KRT76: variants seen among roughly 807,000 people sequenced by gnomAD.
KRT76 encodes keratin 76.
KRT76 carries 47 observed loss-of-function variants against 44.9 expected under a neutral mutation model. The ratio of observed to expected loss-of-function variants is 1.05; its 90% CI spans 0.83 to 1.33. KRT76 has a LOEUF of 1.33. KRT76 is among the 40% of genes most tolerant of loss of function. The probability of loss-of-function intolerance (pLI) is 0.00; values close to 1 mark genes in which losing one functional copy is unlikely to be tolerated. For synonymous variants in KRT76, 331 were observed against 294.1 expected, an observed-to-expected ratio of 1.13 and a Z score of -1.28; for missense variants, 860 against 775.8, an observed-to-expected ratio of 1.11 and a Z score of -1.29.
chr12:52,777,137 C>T lies in KRT76; in HGVS notation c.155G>A (p.Ser52Asn), dbSNP rs757013064. Reference protein sequence around the residue: ...GACGFRSGAGSFGSRSLYNLG... With the variant: ...GACGFRSGAGNFGSRSLYNLG... ...GTTGTAGAGGCTGCGACTGCCAAAG[C>T]TGCCTGCTCCGCTCCTGAAGCCACA... is the stretch of plus-strand genomic sequence containing the variant. The change falls in exon 1 of 9, where the codon AGC (serine) becomes AAC (asparagine). Residue 52 changes from serine to asparagine, a missense_variant. Physicochemically the swap from Ser to Asn is conservative, Grantham distance 46. Transcript: ENST00000332411. The T allele has an allele frequency of 1.2e-6, 2 of 1,614,226 alleles. No homozygotes were observed. Among genetic ancestry groups the T allele is most frequent in the South Asian group, 2.2e-5 (2 of 91,084 alleles).
In KRT76 at chr12:52,769,397, G is replaced by A. The variant is rs79105259; in HGVS notation, c.1519+152C>T. Reference sequence around the variant, plus strand: ...GTTGTCAGCTTACACTAGGGGCAGAGCATGTGGCCATGGCCTGAGATCCTA... The same window carrying A: ...GTTGTCAGCTTACACTAGGGGCAGAACATGTGGCCATGGCCTGAGATCCTA... On this transcript the variant is annotated intron_variant, in intron 8 of 8. Transcript: ENST00000332411. The A allele has an allele frequency of 5.4e-3, 3,867 of 711,470 alleles. 79 individuals are homozygous for A. Among genetic ancestry groups the A allele is most frequent in the African/African-American group, 0.054 (3,108 of 57,198 alleles). 44.1% of individuals were successfully genotyped at this position (711,470 alleles called of 1,614,324 possible).
Position 52,772,133 on chromosome 12 carries a change from C to G in KRT76, c.1098G>C (p.Gln366His). 6.2e-7 allele frequency: 1 copy of G among 1,613,118 alleles called. No homozygotes were observed. Among genetic ancestry groups the G allele is most frequent in the Non-Finnish European group, 8.5e-7 (1 of 1,179,446 alleles). ...GGGCCTCAGCTTCAGACTTGCTCCT[C>G]TGGGCAATCTCCTCATACTGGGCGC... ...EVRAQYEEIA[Q>H]RSKSEAEALY... The change falls in exon 5 of 9, where the codon CAG becomes CAC. Residue 366 changes from glutamine (Q) to histidine (H), a missense_variant. Physicochemically the swap from Gln to His is conservative, Grantham distance 24. Transcript: ENST00000332411.
chr12:52,768,165 T>C lies in KRT76; in HGVS notation c.*548A>G, dbSNP rs1384160198. On this transcript the variant is annotated 3_prime_UTR_variant, in exon 9 of 9. Transcript: ENST00000332411. ...ACCAACACCAGAATGTGAAGTTCAGTGCAATTTATTGAGAAAAGAAAGTGC... is the reference window on the plus strand; with the variant it reads ...ACCAACACCAGAATGTGAAGTTCAGCGCAATTTATTGAGAAAAGAAAGTGC... 2 of 153,084 alleles carry C rather than the reference T, an allele frequency of 1.3e-5. No homozygotes were observed. The highest frequency in any genetic ancestry group is 2.9e-5 in the Non-Finnish European group (2 of 68,382). The allele number at this position is 153,084 out of a possible 1,614,324, so 9.5% of individuals were successfully genotyped here. A position where few individuals can be genotyped will look rare whatever the true frequency, so the allele number is the denominator to read the frequency against.
intron 4 of KRT76, 45 bp from the exon 5 acceptor site, chr12:52,772,303 G>T (rs550792617): frequency 4.6e-6 from 7 of 1,536,870 alleles, no homozygotes; most frequent in Non-Finnish European, 5.3e-6. Context: ...CCTGGACCAG[G>T]GGATGCTGGG....
chr12:52,769,716 A>G (rs1477719754), intron 7 of KRT76, 133 bp from the exon 8 acceptor site: 1 of 736,038 alleles, frequency 1.4e-6, no homozygotes, highest in East Asian at 2.5e-5. Flanking sequence ...AAGAAAGCCT[A>G]TTCCAAGTCT....
At position 52,771,874 on chromosome 12, in the gene KRT76, C is replaced by G. The variant is rs1241044910; in HGVS notation, c.1260G>C (p.Lys420Asn). 1 of 1,613,496 alleles carries G rather than the reference C, an allele frequency of 6.2e-7. No individual in the cohort carries two copies. ...TCTCCGTTAAACCCAGCCCCACCTG[C>G]TTCTTGACATTTTCAATCTCAGCCC... ...RLRAEIENVK[K>N]QNANLQTAIA... Residue 420 changes from lysine to asparagine, a missense_variant, in exon 6 of 9, where the codon AAG becomes AAC. By Grantham distance (94) the Lys-to-Asn change is moderately conservative (BLOSUM62 0). Coordinates refer to ENST00000332411, the MANE Select transcript of KRT76 (RefSeq NM_015848.4).
chr12:52,768,918 C>T lies in KRT76; in HGVS notation c.1712G>A (p.Gly571Asp). ...GCTGCTCTGGTAGCTCCCGCTGCTA[C>T]CCCTGCCCCCAGTGCTGCCACTGCT... is the stretch of plus-strand genomic sequence containing the variant. ...GVSSGSTGGR[G>D]SSGSYQSSSS... The change falls in exon 9 of 9, where the codon GGT becomes GAT. Residue 571 changes from glycine (G) to aspartate (D), a missense_variant. Physicochemically the swap from Gly to Asp is moderately conservative, Grantham distance 94 (BLOSUM62 -1). Coordinates refer to ENST00000332411, the MANE Select transcript of KRT76 (RefSeq NM_015848.4). The T allele has an allele frequency of 6.3e-7, 1 of 1,595,252 alleles. No individual in the cohort carries two copies. Among genetic ancestry groups the T allele is most frequent in the Non-Finnish European group, 8.6e-7 (1 of 1,165,498 alleles).
At chr12:52,774,937 T>C (rs1176367798) in intron 2 of KRT76, among the ~76,000 whole-genome samples, 2 of 152,094 alleles carry the variant, frequency 1.3e-5, no homozygotes, top group African/African-American at 4.8e-5. Context: ...GATAAAGGCC[T>C]TTACCAAGTG....
intron 8 of KRT76, 121 bp downstream of exon 8, chr12:52,769,428 T>C (rs1939144980): frequency 2.4e-6 from 2 of 826,932 alleles, no homozygotes; most frequent in Non-Finnish European, 2.1e-6. Flanking sequence ...TCCTAGACGC[T>C]GTCAGGTGGC....
At position 52,769,537 on chromosome 12, in the gene KRT76, T is replaced by A; in HGVS notation, c.1519+12A>T. On this transcript the variant is annotated intron_variant, in intron 8 of 8. Coordinates refer to ENST00000332411, the MANE Select transcript of KRT76 (RefSeq NM_015848.4). The stretch of plus-strand genomic sequence containing the variant: ...CAACCCAGGGAGAGGGTTTTTTGAA[T>A]GGGCTACTTACAAATGCACACGGCA... 6.2e-7 allele frequency: 1 copy of A among 1,612,602 alleles called. No homozygotes were observed.
Position 52,768,559 on chromosome 12 carries a change from G to A in KRT76, c.*154C>T. The A allele has an allele frequency of 1.2e-6, 1 of 858,970 alleles. No homozygotes were observed. The highest frequency in any genetic ancestry group is 1.7e-5 in the South Asian group (1 of 57,356). 53.2% of individuals were successfully genotyped at this position (858,970 alleles called of 1,614,324 possible). A position where few individuals can be genotyped will look rare whatever the true frequency, so the allele number is the denominator to read the frequency against. ...CCTCCATGGCCCTGGGAAGGTCATG[G>A]GGATGGAGAAACCAGGAGTTCAGCT... On this transcript the variant is annotated 3_prime_UTR_variant, in exon 9 of 9. Transcript: ENST00000332411.
Position 52,770,603 on chromosome 12 carries a change from T to C in KRT76, c.1484+396A>G, listed in dbSNP as rs183753647. Among the ~76,000 whole-genome samples the C allele has an allele frequency of 1.0e-3, 153 of 152,286 alleles. 2 individuals carry two copies. Among genetic ancestry groups the C allele is most frequent in the African/African-American group, 3.6e-3 (151 of 41,564 alleles). On this transcript the variant is annotated intron_variant, in intron 7 of 8. Coordinates refer to ENST00000332411, the MANE Select transcript of KRT76 (RefSeq NM_015848.4). ...AAATTAAATTAAATGTAAAACTGTGTTTCTCGGTTGCACTAGCCACATTTC... is the reference window on the plus strand; with the variant it reads ...AAATTAAATTAAATGTAAAACTGTGCTTCTCGGTTGCACTAGCCACATTTC...
chr12:52,774,084 A>C (rs1292527939), intron 2 of KRT76, among the ~76,000 whole-genome samples: 1 of 152,138 alleles, frequency 6.6e-6, no homozygotes, highest in Non-Finnish European at 1.5e-5. Context: ...CTCCCTCCTC[A>C]GCCTCCCAAA....
At chr12:52,772,026 T>A (rs757568889) in intron 5 of KRT76, 30 bp from the exon 6 acceptor site, 5 of 1,611,010 alleles carry the variant, frequency 3.1e-6, no homozygotes, top group Non-Finnish European at 4.2e-6. Flanking sequence ...TCAACGTGGC[T>A]TTTGCAAAGT....
At chr12:52,775,826 C>T (rs1939253665) in intron 1 of KRT76, among the ~76,000 whole-genome samples, 1 of 152,144 alleles carries the variant, frequency 6.6e-6, no homozygotes, top group South Asian at 2.1e-4. Context: ...ATTTAATCCT[C>T]ACAACCACCT....
rs1565673871 is a variant in KRT76 at position 52,777,188 on chromosome 12, CG to C, written c.103del (p.Arg35AlafsTer78). ...SGSSRMSCVARSGGAGGGACG... is the reference protein window; with the variant it reads ...SGSSRMSCVAXSGGAGGGACG... ...GGCCCCTCCACCAGCTCCCCCAGAG[CG>C]GGCCACACAGCTCATCCTGCTGCTG... On this transcript the variant is annotated frameshift_variant, in exon 1 of 9. Coordinates refer to ENST00000332411, the MANE Select transcript of KRT76 (RefSeq NM_015848.4). LOFTEE classifies it high-confidence loss of function. 1.9e-6 allele frequency: 3 copies of C among 1,614,206 alleles called. No individual in the cohort carries two copies. Among genetic ancestry groups the C allele is most frequent in the Non-Finnish European group, 2.5e-6 (3 of 1,180,048 alleles).
chr12:52,770,869 A>T, intron 7 of KRT76, 130 bp downstream of exon 7: 1 of 1,198,164 alleles, frequency 8.3e-7, no homozygotes, highest in Non-Finnish European at 1.2e-6. Flanking sequence ...TGAACCCTTG[A>T]CTCTGTCATT....
Position 52,772,854 on chromosome 12 carries a change from T to G in KRT76, c.901A>C (p.Lys301Gln), listed in dbSNP as rs1272490569. 8 of 1,613,982 alleles carry G rather than the reference T, an allele frequency of 5.0e-6. No homozygotes were observed. The highest frequency in any genetic ancestry group is 1.3e-5 in the African/African-American group (1 of 74,918). Residue 301 changes from lysine (K) to glutamine (Q), a missense_variant, in exon 4 of 9, where the codon AAG becomes CAG. By Grantham distance (53) the Lys-to-Gln change is moderately conservative. Transcript: ENST00000332411. The stretch of plus-strand genomic sequence containing the variant: ...TCCACTTTGGCCTGCAGCTCCACCT[T>G]GTTCATGAAAGCCGCATCCACATCC... Reference protein sequence around the residue: ...KKDVDAAFMNKVELQAKVDSL... With the variant: ...KKDVDAAFMNQVELQAKVDSL...
intron 3 of KRT76, 104 bp downstream of exon 3, chr12:52,773,478 C>A: frequency 2.8e-6 from 2 of 724,770 alleles, no homozygotes; most frequent in Non-Finnish European, 4.7e-6. Context: ...CAATCCCACA[C>A]ACAATATAAG....
Sources: allele counts gnomAD v4.1 joint callset (sites outside exome capture counted in the v4.1 genomes callset), GRCh38; gene constraint gnomAD v4.1.1; transcripts MANE v1.5; gene names NCBI Gene and HGNC (gene_info 2026-07-23, HGNC 2026-07-21).